Variants in ABCA5 observed in about 807,000 individuals in gnomAD.
ABCA5 encodes cholesterol transporter ABCA5.
ABCA5 carries 163 observed loss-of-function variants against 206.0 expected under a neutral mutation model. The observed-to-expected ratio is 0.79, with a 90% CI of 0.70 to 0.90. The LOEUF is 0.90. Among genes scored for constraint, ABCA5 ranks in the 40% least tolerant of loss-of-function variants. ABCA5 has a pLI of 0.00. For missense variants in ABCA5, 1,859 were observed against 1,912.9 expected (o/e 0.97, Z 0.53); for synonymous variants, 609 against 613.8 (o/e 0.99, Z 0.11).
chr17:69,284,312 T>C (rs1443458435), intron 17 of ABCA5, among the ~76,000 whole-genome samples: 8 of 152,088 alleles, frequency 5.3e-5, no homozygotes, highest in African/African-American at 1.9e-4. Context: ...CAGTGAGCTG[T>C]GATTGTGGCA....
At chr17:69,318,138 G>A (rs1202066944) in intron 1 of ABCA5, among the ~76,000 whole-genome samples, 1 of 149,650 alleles carries the variant, frequency 6.7e-6, no homozygotes, top group Non-Finnish European at 1.5e-5. Flanking sequence ...TTGAGATGGA[G>A]TCTCACTCTT....
At chr17:69,309,953 T>C (rs1349077492) in intron 3 of ABCA5, among the ~76,000 whole-genome samples, 1 of 152,204 alleles carries the variant, frequency 6.6e-6, no homozygotes, top group African/African-American at 2.4e-5. Flanking sequence ...AATGTGTCAG[T>C]GTTATACTTA....
At chr17:69,281,944 A>G (rs184067791) in intron 18 of ABCA5, among the ~76,000 whole-genome samples, 415 of 152,296 alleles carry the variant, frequency 2.7e-3, no homozygotes, top group Middle Eastern at 0.01. Context: ...ACTGTGAACT[A>G]ACATCCTGGT....
Position 69,289,927 on chromosome 17 carries a change from C to T in ABCA5, c.1717G>A (p.Val573Ile). ...QLDIHFDVLT[V>I]EENLSILASI... Reference sequence around the variant, plus strand: ...GCCAAAATTGATAAATTTTCTTCTACTGTCAAAACATCAAAGTGTATATCT... The same window carrying T: ...GCCAAAATTGATAAATTTTCTTCTATTGTCAAAACATCAAAGTGTATATCT... Residue 573 changes from valine to isoleucine, a missense_variant, in exon 13 of 39, where the codon GTA becomes ATA. Transcript: ENST00000392676. The T allele has an allele frequency of 6.2e-7, 1 of 1,611,930 alleles. No homozygotes were observed. Among genetic ancestry groups the T allele is most frequent in the South Asian group, 1.1e-5 (1 of 90,864 alleles).
chr17:69,322,018 C>G (rs568547566), intron 1 of ABCA5, among the ~76,000 whole-genome samples: 1 of 152,086 alleles, frequency 6.6e-6, no homozygotes, highest in Admixed American at 6.5e-5. Context: ...ACTTAAAGAC[C>G]AGGAGTTGCA....
At position 69,277,769 on chromosome 17, in the gene ABCA5, G is replaced by A; in HGVS notation, c.2466C>T (p.Ser822=). The A allele has an allele frequency of 6.2e-7, 1 of 1,601,856 alleles. No homozygotes were observed. Among genetic ancestry groups the A allele is most frequent in the Non-Finnish European group, 8.5e-7 (1 of 1,175,730 alleles). Residue 822 remains serine, a synonymous_variant, in exon 19 of 39, where the codon AGC becomes AGT. Coordinates refer to ENST00000392676, the MANE Select transcript of ABCA5 (RefSeq NM_172232.4). The part of the protein sequence containing the change: ...DSKSFDEMEQ[S]LLILSETKAA... Reference sequence around the variant, plus strand: ...CCTTGGTTTCAGAAAGAATAAGTAAGCTCTGTTCCATTTCATCAAAAGATT... The same window carrying A: ...CCTTGGTTTCAGAAAGAATAAGTAAACTCTGTTCCATTTCATCAAAAGATT...
intron 3 of ABCA5, among the ~76,000 whole-genome samples, chr17:69,310,072 A>G (rs1448241999): frequency 6.6e-6 from 1 of 152,216 alleles, no homozygotes; most frequent in African/African-American, 2.4e-5. Flanking sequence ...TCAGGCAGCA[A>G]TAAAATTATA....
At chr17:69,281,878 C>A (rs1055371987) in intron 18 of ABCA5, among the ~76,000 whole-genome samples, 1 of 152,190 alleles carries the variant, frequency 6.6e-6, no homozygotes, top group Admixed American at 6.5e-5. Flanking sequence ...TTTTAATCAT[C>A]ACCCACTCGG....
At chr17:69,309,989 T>C (rs970949478) in intron 3 of ABCA5, among the ~76,000 whole-genome samples, 3 of 152,306 alleles carry the variant, frequency 2.0e-5, no homozygotes, top group Admixed American at 6.5e-5. Context: ...AAATATAGTA[T>C]AAAACAATAT....
chr17:69,316,557 G>A (rs2075817914), intron 1 of ABCA5, among the ~76,000 whole-genome samples: 2 of 135,932 alleles, frequency 1.5e-5, no homozygotes, highest in African/African-American at 5.5e-5. Context: ...CATATTATCA[G>A]ATTTATAAAA....
chr17:69,283,849 C>G, intron 18 of ABCA5, 104 bp downstream of exon 18: 1 of 1,178,172 alleles, frequency 8.5e-7, no homozygotes. Flanking sequence ...CTTATTTCTA[C>G]CCTTTATTCT....
chr17:69,306,855 C>T lies in ABCA5; in HGVS notation c.658G>A (p.Val220Ile). 1 of 1,603,996 alleles carries T rather than the reference C, an allele frequency of 6.2e-7. No homozygotes were observed. The highest frequency in any genetic ancestry group is 8.5e-7 in the Non-Finnish European group (1 of 1,174,618). ...GCTATAACTAGGTATATTAAAATTA[C>T]TCCTCGGGGAAAGGTATCTATTTCT... The part of the protein sequence containing the change: ...VVEIDTFPRG[V>I]ILIYLVIAFS... Residue 220 changes from valine (V) to isoleucine (I), a missense_variant, in exon 6 of 39, where the codon GTA becomes ATA. Physicochemically the swap from Val to Ile is conservative, Grantham distance 29. Coordinates refer to ENST00000392676, the MANE Select transcript of ABCA5 (RefSeq NM_172232.4).
intron 18 of ABCA5, among the ~76,000 whole-genome samples, chr17:69,278,651 T>C (rs188563753): frequency 6.6e-6 from 1 of 152,358 alleles, no homozygotes; most frequent in Non-Finnish European, 1.5e-5. Flanking sequence ...ATAAGGTATG[T>C]CATTCAGATT....
At chr17:69,248,080 A>G (rs1196250370) in intron 38 of ABCA5, among the ~76,000 whole-genome samples, 182 bp downstream of exon 38, 3 of 152,100 alleles carry the variant, frequency 2.0e-5, no homozygotes, top group Non-Finnish European at 4.4e-5. Context: ...TTAAAAAATA[A>G]AATTTAAAAA....
At chr17:69,285,221 A>G (rs552556983) in intron 17 of ABCA5, among the ~76,000 whole-genome samples, 1 of 152,318 alleles carries the variant, frequency 6.6e-6, no homozygotes, top group South Asian at 2.1e-4. Flanking sequence ...AAATGTTACT[A>G]AAGAATAGGA....
chr17:69,270,510 A>T, intron 22 of ABCA5, 103 bp downstream of exon 22: 1 of 1,122,522 alleles, frequency 8.9e-7, no homozygotes, highest in Non-Finnish European at 1.3e-6. Flanking sequence ...AAGAGATCTC[A>T]CAAGATAAAT....
At chr17:69,279,345 AAGG>A (rs1451713291) in intron 18 of ABCA5, among the ~76,000 whole-genome samples, 2 of 152,230 alleles carry the variant, frequency 1.3e-5, no homozygotes, top group Non-Finnish European at 2.9e-5. Context: ...GGACCTCTTC[AAGG>A]AGAACTACAA....
At chr17:69,257,652 T>C (rs968121863) in intron 28 of ABCA5, among the ~76,000 whole-genome samples, 1 of 151,268 alleles carries the variant, frequency 6.6e-6, no homozygotes, top group Non-Finnish European at 1.5e-5. Flanking sequence ...TTCTTTCATA[T>C]ATGAAAGAAA....
chr17:69,325,362 T>C (rs1208434588), intron 1 of ABCA5, among the ~76,000 whole-genome samples: 2 of 151,812 alleles, frequency 1.3e-5, no homozygotes, highest in Middle Eastern at 3.4e-3. Flanking sequence ...TTTATCACAG[T>C]GTTTCTTGCT....
Sources: gnomAD v4.1 joint callset for allele counts (sites outside exome capture counted in the v4.1 genomes callset) on GRCh38, gnomAD v4.1.1 for gene constraint, MANE v1.5 for transcripts, NCBI Gene and HGNC (gene_info 2026-07-23, HGNC 2026-07-21) for gene names.